The following CCN4 variants were observed in gnomAD, a reference collection of about 807,000 sequenced individuals.
CCN4 encodes the protein cellular communication network factor 4, also known as CCN family member 4.
CCN4 carries 30 observed loss-of-function variants against 36.7 expected under a neutral mutation model. The observed-to-expected ratio is 0.82, with a 90% CI of 0.61 to 1.11. The LOEUF is 1.11. Among genes scored for constraint, CCN4 ranks in the 50% least tolerant of loss-of-function variants. The pLI, the probability that CCN4 is intolerant of heterozygous loss-of-function variation, is 0.00. For synonymous variants in CCN4, 191 were observed against 195.4 expected, an observed-to-expected ratio of 0.98 and a Z score of 0.19; for missense variants, 505 against 504.9, an observed-to-expected ratio of 1.00 and a Z score of 0.00.
Position 133,231,316 on chromosome 8 carries a change from G to A in CCN4, c.*3606G>A, listed in dbSNP as rs1854956812. On this transcript the variant is annotated 3_prime_UTR_variant, in exon 5 of 5. Coordinates refer to ENST00000250160, the MANE Select transcript of CCN4 (RefSeq NM_003882.4). ...AAGTCAACTATGTATCCCTGTGTGT[G>A]TATATATATGTATGTATGTATCTAT... The A allele has an allele frequency of 6.6e-6, 1 of 152,032 alleles. No individual in the cohort carries two copies. The highest frequency in any genetic ancestry group is 2.4e-5 in the African/African-American group (1 of 41,386). The allele number at this position is 152,032 out of a possible 1,614,324, so 9.4% of individuals were successfully genotyped here. A position where few individuals can be genotyped will look rare whatever the true frequency, so the allele number is the denominator to read the frequency against.
rs181057409 is a variant in CCN4, at chr8:133,229,533, A to G, written c.*1823A>G. On this transcript the variant is annotated 3_prime_UTR_variant, in exon 5 of 5. Transcript: ENST00000250160. ...TGATTCTGTTTACCCAATGCTGCAT[A>G]TTGAATGTTGTGTAGTTATTCACAG... 253 of 152,322 alleles carry G rather than the reference A, an allele frequency of 1.7e-3. 8 individuals are homozygous for G. Among genetic ancestry groups the G allele is most frequent in the Admixed American group, 0.016 (251 of 15,296 alleles). The allele number at this position is 152,322 out of a possible 1,614,324, so 9.4% of individuals were successfully genotyped here.
chr8:133,218,407 G>A (rs765448607), intron 2 of CCN4, among the ~76,000 whole-genome samples: 36 of 152,090 alleles, frequency 2.4e-4, no homozygotes, highest in Non-Finnish European at 4.4e-4. Flanking sequence ...TTCCCGCTGT[G>A]GTCACCTTGG....
intron 1 of CCN4, 79 bp downstream of exon 1, chr8:133,191,292 C>A: frequency 6.7e-7 from 1 of 1,483,736 alleles, no homozygotes; most frequent in Non-Finnish European, 9.1e-7. Flanking sequence ...GGCTGGTGGG[C>A]AGGATGAAAA....
At position 133,191,213 on chromosome 8, in the gene CCN4, G is replaced by C; in HGVS notation, c.69G>C (p.Thr23=). Residue 23 remains threonine (T), a splice_region_variant and synonymous_variant, in exon 1 of 5, where the codon ACG becomes ACC. Coordinates refer to ENST00000250160, the MANE Select transcript of CCN4 (RefSeq NM_003882.4). ...TAAAASTVLA[T]ALSPAPTTMD... is the part of the protein sequence containing the mutation. Reference sequence around the variant, plus strand: ...CAGCCGCCAGCACCGTCCTGGCCACGGTGAGTCCTGCCTGGAGGGGCTCAG... The same window carrying C: ...CAGCCGCCAGCACCGTCCTGGCCACCGTGAGTCCTGCCTGGAGGGGCTCAG... The C allele has an allele frequency of 6.2e-7, 1 of 1,605,280 alleles. No homozygotes were observed. Among genetic ancestry groups the C allele is most frequent in the South Asian group, 1.1e-5 (1 of 90,844 alleles).
At chr8:133,200,819 T>G (rs897435622) in intron 1 of CCN4, among the ~76,000 whole-genome samples, 1 of 152,198 alleles carries the variant, frequency 6.6e-6, no homozygotes, top group Non-Finnish European at 1.5e-5. Context: ...CTGACTGCCA[T>G]CTCCGTGTCC....
intron 2 of CCN4, among the ~76,000 whole-genome samples, chr8:133,220,187 G>C (rs548819378): frequency 2.7e-5 from 4 of 149,844 alleles, no homozygotes; most frequent in East Asian, 2.5e-4. Context: ...GTTTCGAAGT[G>C]TTCTGGCTTT....
intron 1 of CCN4, among the ~76,000 whole-genome samples, chr8:133,194,429 GGTATGT>G (rs1666612928): frequency 1.0e-5 from 1 of 95,650 alleles, no homozygotes; most frequent in Non-Finnish European, 2.0e-5. Context: ...GTGTGTGTGT[GGTATGT>G]GTGTGTGGTG....
At chr8:133,213,684 T>C (rs1453442465) in intron 2 of CCN4, among the ~76,000 whole-genome samples, 3 of 148,184 alleles carry the variant, frequency 2.0e-5, no homozygotes, top group East Asian at 3.9e-4. Flanking sequence ...TAATATAGTA[T>C]ATTATAGAAA....
At chr8:133,209,443 T>C (rs938763817) in intron 1 of CCN4, among the ~76,000 whole-genome samples, 1 of 152,198 alleles carries the variant, frequency 6.6e-6, no homozygotes, top group Non-Finnish European at 1.5e-5. Context: ...TACCACTAGA[T>C]GGTGCCAATT....
intron 1 of CCN4, among the ~76,000 whole-genome samples, chr8:133,211,425 C>T (rs1307042157): frequency 6.6e-6 from 1 of 152,210 alleles, no homozygotes; most frequent in Non-Finnish European, 1.5e-5. Context: ...CCAGAAGAGG[C>T]AAAAGTAGAA....
intron 1 of CCN4, among the ~76,000 whole-genome samples, chr8:133,199,945 A>C (rs1411716168): frequency 6.6e-6 from 1 of 152,166 alleles, no homozygotes; most frequent in Non-Finnish European, 1.5e-5. Context: ...AAGAGGAGAA[A>C]ACTGAGGCGC....
At chr8:133,206,312 G>A (rs1160639487) in intron 1 of CCN4, among the ~76,000 whole-genome samples, 2 of 152,198 alleles carry the variant, frequency 1.3e-5, no homozygotes, top group African/African-American at 2.4e-5. Flanking sequence ...GGTGCACTGA[G>A]GAGGTCCCCA....
chr8:133,193,632 A>G (rs555452454), intron 1 of CCN4, among the ~76,000 whole-genome samples: 1 of 152,362 alleles, frequency 6.6e-6, no homozygotes, highest in African/African-American at 2.4e-5. Context: ...CCCAACAAAC[A>G]TTTATTAGGC....
intron 1 of CCN4, among the ~76,000 whole-genome samples, chr8:133,206,515 T>C (rs140392567): frequency 1.3e-5 from 2 of 152,240 alleles, no homozygotes; most frequent in Non-Finnish European, 1.5e-5. Flanking sequence ...AAGAGAACCA[T>C]TCAGTGAAAA....
chr8:133,219,211 C>A (rs544368499), intron 2 of CCN4, among the ~76,000 whole-genome samples: 1 of 152,208 alleles, frequency 6.6e-6, no homozygotes, highest in African/African-American at 2.4e-5. Context: ...TAGGCTCTAA[C>A]AGCTTTGCAC....
chr8:133,207,579 G>A (rs1311059781), intron 1 of CCN4, among the ~76,000 whole-genome samples: 1 of 152,218 alleles, frequency 6.6e-6, no homozygotes, highest in African/African-American at 2.4e-5. Flanking sequence ...CCTGACCTGT[G>A]TGGCCTTGCA....
chr8:133,193,281 A>G (rs1853181323), intron 1 of CCN4, among the ~76,000 whole-genome samples: 1 of 152,236 alleles, frequency 6.6e-6, no homozygotes, highest in Non-Finnish European at 1.5e-5. Context: ...GCATGTGAGA[A>G]TTGCCAAGAA....
At chr8:133,215,094 C>G (rs980623820) in intron 2 of CCN4, among the ~76,000 whole-genome samples, 1 of 152,182 alleles carries the variant, frequency 6.6e-6, no homozygotes, top group Non-Finnish European at 1.5e-5. Flanking sequence ...TTTACTGAAA[C>G]TCATTAGCAG....
chr8:133,191,801 C>T (rs763930912), intron 1 of CCN4, among the ~76,000 whole-genome samples: 3 of 152,076 alleles, frequency 2.0e-5, no homozygotes, highest in Non-Finnish European at 4.4e-5. Context: ...CCGGTCTGCA[C>T]AGCCCTCTGC....
Sources: gnomAD v4.1 joint callset for allele counts (sites outside exome capture counted in the v4.1 genomes callset) on GRCh38, gnomAD v4.1.1 for gene constraint, MANE v1.5 for transcripts, NCBI Gene and HGNC (gene_info 2026-07-23, HGNC 2026-07-21) for gene names.